The following MYOM3 variants were observed in gnomAD, a reference collection of about 807,000 sequenced individuals.
MYOM3 encodes myomesin-3.
A neutral mutation model predicts 191.7 loss-of-function variants in MYOM3; 155 were observed. The observed-to-expected ratio is 0.81, with a 90% CI of 0.71 to 0.92. The LOEUF (loss-of-function observed/expected upper bound fraction) is 0.92. MYOM3 is among the 40% of genes least tolerant of loss of function. The pLI, the probability that MYOM3 is intolerant of heterozygous loss-of-function variation, is 0.00. For missense variants in MYOM3, 1,889 were observed against 1,890.6 expected (o/e 1.00, Z 0.02); for synonymous variants, 757 against 762.9 (o/e 0.99, Z 0.13).
At chr1:24,078,603 C>G (rs1643630437) in intron 20 of MYOM3, among the ~76,000 whole-genome samples, 1 of 152,210 alleles carries the variant, frequency 6.6e-6, no homozygotes, top group Non-Finnish European at 1.5e-5. Flanking sequence ...CTCCTGCCTG[C>G]TGGGGAAAAG....
rs1416353333 is a variant in MYOM3, at chr1:24,087,092, A to G, written c.1615-265T>C. On this transcript the variant is annotated intron_variant, in intron 14 of 36. Coordinates refer to ENST00000374434, the MANE Select transcript of MYOM3 (RefSeq NM_152372.4). This position sits in a 1 kb window ranked among gnomAD's most constrained non-coding sequence, Gnocchi z 4.5. ...TTGCACTGGTGGCCCCCATCCTTCC[A>G]GTCCCTCGGGTGAAACCCCTGGAGC... Among the ~76,000 whole-genome samples the G allele has an allele frequency of 6.6e-6, 1 of 151,896 alleles. No individual in the cohort carries two copies. Among genetic ancestry groups the G allele is most frequent in the African/African-American group, 2.4e-5 (1 of 41,342 alleles).
chr1:24,110,398 T>C (rs900673934), intron 1 of MYOM3, among the ~76,000 whole-genome samples: 1 of 152,056 alleles, frequency 6.6e-6, no homozygotes, highest in Non-Finnish European at 1.5e-5. Context: ...ATGTGTAGGC[T>C]GTCTTCTGCC....
intron 5 of MYOM3, among the ~76,000 whole-genome samples, chr1:24,101,117 C>T (rs550096241): frequency 2.0e-5 from 3 of 152,058 alleles, no homozygotes; most frequent in Non-Finnish European, 4.4e-5. Flanking sequence ...TGTGGCTGCT[C>T]CTGATGACAC....
Position 24,092,156 on chromosome 1 carries a change from C to T in MYOM3, c.1232+18G>A. On this transcript the variant is annotated intron_variant, in intron 11 of 36. Coordinates refer to ENST00000374434, the MANE Select transcript of MYOM3 (RefSeq NM_152372.4). Reference sequence around the variant, plus strand: ...AATTCTACCCCTAGGGCCTCTGCCACTCACGAGGTCGACTCACCGCTCAAT... The same window carrying T: ...AATTCTACCCCTAGGGCCTCTGCCATTCACGAGGTCGACTCACCGCTCAAT... 1 of 1,443,420 alleles carries T rather than the reference C, an allele frequency of 6.9e-7. No individual in the cohort carries two copies. The highest frequency in any genetic ancestry group is 9.2e-7 in the Non-Finnish European group (1 of 1,090,998). 89.4% of individuals were successfully genotyped at this position (1,443,420 alleles called of 1,614,324 possible). A position where few individuals can be genotyped will look rare whatever the true frequency, so the allele number is the denominator to read the frequency against.
chr1:24,065,753 C>A (rs1375517501), intron 29 of MYOM3, 138 bp downstream of exon 29: 1 of 736,614 alleles, frequency 1.4e-6, no homozygotes, highest in African/African-American at 1.7e-5. Context: ...TTTTTGGTGC[C>A]TCTTAAATTT....
intron 2 of MYOM3, 76 bp downstream of exon 2, chr1:24,108,400 T>C (rs1446624096): frequency 7.1e-6 from 10 of 1,403,778 alleles, no homozygotes; most frequent in South Asian, 3.0e-5. Context: ...TCCAGAGGGC[T>C]AGGCTGGGCC....
At chr1:24,057,693 A>G (rs1643320095) in intron 36 of MYOM3, 66 bp from the exon 37 acceptor site, 1 of 1,487,090 alleles carries the variant, frequency 6.7e-7, no homozygotes, top group Non-Finnish European at 9.2e-7. Context: ...ATTTGCTTTC[A>G]TGCCCCCAGA....
At chr1:24,106,784 G>A (rs1170618353) in intron 4 of MYOM3, among the ~76,000 whole-genome samples, 1 of 152,116 alleles carries the variant, frequency 6.6e-6, no homozygotes, top group Non-Finnish European at 1.5e-5. Flanking sequence ...GGCCAGGCTG[G>A]TCTCGAACTC....
chr1:24,096,820 AAGGTGTGACCCCCTTGGGCAGTGCCC>A (rs1643880863), intron 7 of MYOM3, among the ~76,000 whole-genome samples: 1 of 152,180 alleles, frequency 6.6e-6, no homozygotes, highest in Non-Finnish European at 1.5e-5. Flanking sequence ...TCTGGGCCCA[AAGGTGTGACCCCCTTGGGCAGTGCCC>A]TGCCCTGGTC....
rs1447926174 is a variant in MYOM3 at position 24,074,279 on chromosome 1, A to G, written c.2859-10T>C. On this transcript the variant is annotated splice_polypyrimidine_tract_variant and intron_variant, in intron 22 of 36. Transcript: ENST00000374434. ...CAGGATGACCTTGGACCTGGCAGAG[A>G]GAGGAGAGCAGAGGCTCTGGGAGGA... 1 of 1,600,168 alleles carries G rather than the reference A, an allele frequency of 6.2e-7. No homozygotes were observed. Among genetic ancestry groups the G allele is most frequent in the Non-Finnish European group, 8.6e-7 (1 of 1,167,778 alleles).
chr1:24,063,032 G>A lies in MYOM3; in HGVS notation c.3770+94C>T. Reference sequence around the variant, plus strand: ...CTTGGGGGACCAGAAACTCTGCTTGGAGGACCAGGCAGGGAGAAGGGAGGG... The same window carrying A: ...CTTGGGGGACCAGAAACTCTGCTTGAAGGACCAGGCAGGGAGAAGGGAGGG... On this transcript the variant is annotated intron_variant, in intron 32 of 36. Coordinates refer to ENST00000374434, the MANE Select transcript of MYOM3 (RefSeq NM_152372.4). The surrounding 1 kb of genome is among the most constrained non-coding windows in gnomAD (Gnocchi z 4.5). 1.3e-6 allele frequency: 1 copy of A among 795,092 alleles called. No individual in the cohort carries two copies. The highest frequency in any genetic ancestry group is 2.2e-6 in the Non-Finnish European group (1 of 457,484). The allele number at this position is 795,092 out of a possible 1,614,324, so 49.3% of individuals were successfully genotyped here.
In MYOM3 at chr1:24,108,468, G is replaced by A; in HGVS notation, c.161+8C>T. 6.5e-7 allele frequency: 1 copy of A among 1,546,806 alleles called. No homozygotes were observed. ...GCAGTGGCTGGGCGGGGACCCTGTGGCTCCCACCTGCTGCGGAAGGTCCGC... is the reference window on the plus strand; with the variant it reads ...GCAGTGGCTGGGCGGGGACCCTGTGACTCCCACCTGCTGCGGAAGGTCCGC... On this transcript the variant is annotated splice_region_variant and intron_variant, in intron 2 of 36. Transcript: ENST00000374434.
At chr1:24,090,149 G>A (rs1247857907) in intron 12 of MYOM3, 31 bp from the exon 13 acceptor site, 4 of 1,583,330 alleles carry the variant, frequency 2.5e-6, no homozygotes, top group Non-Finnish European at 3.5e-6. Flanking sequence ...GGGAGGGTGG[G>A]GGGTGGCACA....
At chr1:24,089,495 G>A in intron 14 of MYOM3, 43 bp downstream of exon 14, 4 of 1,561,028 alleles carry the variant, frequency 2.6e-6, no homozygotes, top group Non-Finnish European at 3.5e-6. Flanking sequence ...CAGCACATCT[G>A]TTTCTCAGGC....
intron 17 of MYOM3, 42 bp from the exon 18 acceptor site, chr1:24,082,230 G>C: frequency 6.5e-7 from 1 of 1,530,314 alleles, no homozygotes; most frequent in Non-Finnish European, 8.8e-7. Context: ...CTCCCTAGGG[G>C]TGGCTGGATT....
At chr1:24,066,135 T>G in intron 28 of MYOM3, 134 bp from the exon 29 acceptor site, 1 of 738,116 alleles carries the variant, frequency 1.4e-6, no homozygotes. Context: ...GCCTCTGGAC[T>G]CTGAATTCTT....
At position 24,095,434 on chromosome 1, in the gene MYOM3, C is replaced by A. The variant is rs563024150; in HGVS notation, c.790+8G>T. 6.2e-7 allele frequency: 1 copy of A among 1,612,010 alleles called. No individual in the cohort carries two copies. Among genetic ancestry groups the A allele is most frequent in the Non-Finnish European group, 8.5e-7 (1 of 1,178,810 alleles). On this transcript the variant is annotated splice_region_variant and intron_variant, in intron 8 of 36. Coordinates refer to ENST00000374434, the MANE Select transcript of MYOM3 (RefSeq NM_152372.4). ...ATCCCAGGTCCCGTTCTCCCCCAGC[C>A]GACTTACTTTTGAAGATCTCTGAAT... is the stretch of plus-strand genomic sequence containing the variant.
chr1:24,071,725 C>T (rs1052714196), intron 24 of MYOM3, among the ~76,000 whole-genome samples: 1 of 152,176 alleles, frequency 6.6e-6, no homozygotes, highest in Admixed American at 6.6e-5. Context: ...GACTAAAGAG[C>T]CAATAACAGT....
chr1:24,058,895 G>T, intron 36 of MYOM3, 29 bp downstream of exon 36: 1 of 1,559,988 alleles, frequency 6.4e-7, no homozygotes, highest in Non-Finnish European at 8.8e-7. Context: ...GAGGGGGACT[G>T]CTGGCTGTGG....
Sources: gnomAD v4.1 joint callset for allele counts (sites outside exome capture counted in the v4.1 genomes callset) on GRCh38, gnomAD v4.1.1 for gene constraint, Gnocchi (gnomAD v3.1) non-coding constraint, MANE v1.5 for transcripts, NCBI Gene and HGNC (gene_info 2026-07-23, HGNC 2026-07-21) for gene names.